AGBL4: variants seen among roughly 807,000 people sequenced by gnomAD.
AGBL4 encodes cytosolic carboxypeptidase 6.
Under a neutral mutation model 66.4 loss-of-function variants are expected in AGBL4, and 58 were observed. The ratio of observed to expected loss-of-function variants is 0.87; its 90% confidence interval spans 0.71 to 1.09. The LOEUF (loss-of-function observed/expected upper bound fraction) is 1.09, where lower values mean the gene tolerates loss of function less well. AGBL4 is among the 50% of genes least tolerant of loss of function. The pLI is 0.00. For synonymous variants in AGBL4, 234 were observed against 222.9 expected (o/e 1.05, Z -0.44); for missense variants, 579 against 631.0 (o/e 0.92, Z 0.88).
At chr1:49,733,523 T>C (rs994530034) in intron 2 of AGBL4, among the ~76,000 whole-genome samples, 2 of 152,180 alleles carry the variant, frequency 1.3e-5, no homozygotes. Flanking sequence ...TCTGTACTTC[T>C]GGAGGCTAGG....
At chr1:48,759,198 G>T in intron 6 of AGBL4, 1 of 1,611,908 alleles carries the variant, frequency 6.2e-7, no homozygotes. Flanking sequence ...TATGGCCCAG[G>T]CTCAGGCCGT....
chr1:48,621,389 G>A (rs779268885), intron 9 of AGBL4, among the ~76,000 whole-genome samples: 1 of 152,144 alleles, frequency 6.6e-6, no homozygotes, highest in Non-Finnish European at 1.5e-5. Context: ...GGACTCTAAT[G>A]AGTTTTGTTC....
intron 6 of AGBL4, among the ~76,000 whole-genome samples, chr1:48,677,360 A>T (rs1646382203): frequency 6.6e-6 from 1 of 152,188 alleles, no homozygotes; most frequent in Non-Finnish European, 1.5e-5. Flanking sequence ...TCAAAGGATG[A>T]AGGAAGAGGA....
chr1:48,761,708 A>C (rs924248678), intron 6 of AGBL4, among the ~76,000 whole-genome samples: 2 of 152,230 alleles, frequency 1.3e-5, no homozygotes, highest in Non-Finnish European at 2.9e-5. Context: ...AATAGCAGCC[A>C]GTGAATTTGC....
chr1:50,019,343 C>G (rs1345957305), intron 1 of AGBL4, among the ~76,000 whole-genome samples: 1 of 144,240 alleles, frequency 6.9e-6, no homozygotes, highest in African/African-American at 2.5e-5. Flanking sequence ...CACATAAACA[C>G]ACACAGACAC....
intron 4 of AGBL4, among the ~76,000 whole-genome samples, chr1:49,077,201 A>G (rs1644728546): frequency 7.0e-6 from 1 of 143,882 alleles, no homozygotes. Context: ...GTGGGTGCTT[A>G]AAGATTGTCA....
At chr1:49,159,565 CT>C (rs1646501400) in intron 4 of AGBL4, among the ~76,000 whole-genome samples, 2 of 152,072 alleles carry the variant, frequency 1.3e-5, no homozygotes, top group South Asian at 4.1e-4. Flanking sequence ...CGAGGAATAT[CT>C]TTGTGGTGTT....
chr1:49,839,674 G>C (rs1645939761), intron 2 of AGBL4, among the ~76,000 whole-genome samples: 1 of 152,158 alleles, frequency 6.6e-6, no homozygotes, highest in Admixed American at 6.5e-5. Context: ...TAGTTAGAAA[G>C]CTGTTGTACA....
At chr1:49,440,205 G>A (rs1216454345) in intron 3 of AGBL4, among the ~76,000 whole-genome samples, 1 of 151,966 alleles carries the variant, frequency 6.6e-6, no homozygotes, top group Admixed American at 6.6e-5. Flanking sequence ...AAGTAGCTGG[G>A]ATTATAGGCG....
Position 48,776,897 on chromosome 1 carries a change from T to A in AGBL4, c.634+90294A>T, listed in dbSNP as rs552745566. ...CGCGGGGCGGGCGCGGAGGTGGGGATCCGGCGGGGGGCGCGAGTCTCGCTA... is the reference window on the plus strand; with the variant it reads ...CGCGGGGCGGGCGCGGAGGTGGGGAACCGGCGGGGGGCGCGAGTCTCGCTA... On this transcript the variant is annotated intron_variant, in intron 6 of 13. Transcript: ENST00000371839. The A allele has an allele frequency of 9.3e-4, 475 of 508,444 alleles. No individual in the cohort carries two copies. In the African/African-American group the frequency reaches 0.011, roughly 12 times the overall value. 31.5% of individuals were successfully genotyped at this position (508,444 alleles called of 1,614,324 possible).
At chr1:48,871,353 T>TGTGTGTGTGTG (rs1553247482) in intron 5 of AGBL4, among the ~76,000 whole-genome samples, 6 of 140,976 alleles carry the variant, frequency 4.3e-5, no homozygotes, top group Non-Finnish European at 9.4e-5. Context: ...GTAGTAGTGG[T>TGTGTGTGTGTG]TGTGTGTGTG....
At chr1:49,536,606 A>C (rs1651605146) in intron 3 of AGBL4, among the ~76,000 whole-genome samples, 1 of 152,210 alleles carries the variant, frequency 6.6e-6, no homozygotes, top group South Asian at 2.1e-4. Flanking sequence ...AGCAATCCTA[A>C]GCAAAAAGAA....
At chr1:49,414,130 T>C (rs146530620) in intron 3 of AGBL4, among the ~76,000 whole-genome samples, 6 of 152,276 alleles carry the variant, frequency 3.9e-5, no homozygotes, top group Admixed American at 6.5e-5. Flanking sequence ...TCTAAAACCA[T>C]ATGTTTAAAT....
chr1:49,293,644 T>C (rs1285677928), intron 3 of AGBL4, among the ~76,000 whole-genome samples: 5 of 152,210 alleles, frequency 3.3e-5, no homozygotes, highest in African/African-American at 9.7e-5. Flanking sequence ...GTAATTCTAT[T>C]GACAACTTTT....
At chr1:48,616,564 T>G (rs1469688268) in intron 9 of AGBL4, among the ~76,000 whole-genome samples, 1 of 152,176 alleles carries the variant, frequency 6.6e-6, no homozygotes, top group Non-Finnish European at 1.5e-5. Flanking sequence ...TGGGCCAAAT[T>G]ACTTCATCCC....
chr1:48,541,664 G>A (rs1320150086), intron 11 of AGBL4, among the ~76,000 whole-genome samples: 1 of 152,182 alleles, frequency 6.6e-6, no homozygotes, highest in East Asian at 1.9e-4. Flanking sequence ...AGCTACTGGG[G>A]AGGCTGAGGC....
At chr1:49,584,716 C>A (rs1384170499) in intron 3 of AGBL4, among the ~76,000 whole-genome samples, 1 of 152,126 alleles carries the variant, frequency 6.6e-6, no homozygotes, top group East Asian at 1.9e-4. Flanking sequence ...AGGACACATG[C>A]AAGGGAGAAA....
At chr1:48,786,219 T>G (rs143327768) in intron 6 of AGBL4, among the ~76,000 whole-genome samples, 36 of 152,332 alleles carry the variant, frequency 2.4e-4, no homozygotes, top group African/African-American at 7.0e-4. Context: ...TTGATTTCCA[T>G]GATAGGAACT....
At chr1:49,971,436 T>A (rs959747939) in intron 1 of AGBL4, among the ~76,000 whole-genome samples, 1 of 152,180 alleles carries the variant, frequency 6.6e-6, no homozygotes, top group Non-Finnish European at 1.5e-5. Context: ...ATGCTGGTAA[T>A]TCAGATAAAA....
Sources: gnomAD v4.1 joint callset for allele counts (sites outside exome capture counted in the v4.1 genomes callset) on GRCh38, gnomAD v4.1.1 for gene constraint, MANE v1.5 for transcripts, NCBI Gene and HGNC (gene_info 2026-07-23, HGNC 2026-07-21) for gene names.